Variants in FMO1 observed in about 807,000 individuals in gnomAD.
FMO1 encodes flavin-containing monooxygenase 1.
A neutral mutation model predicts 45.4 loss-of-function variants in FMO1; 36 were observed. The ratio of observed to expected loss-of-function variants is 0.79; its 90% CI spans 0.61 to 1.05. The LOEUF is 1.05. Among genes scored for constraint, FMO1 ranks in the 50% least tolerant of loss-of-function variants. The pLI, the probability that FMO1 is intolerant of heterozygous loss-of-function variation, is 0.00. For synonymous variants in FMO1, 228 were observed against 227.2 expected (o/e 1.00, Z -0.03); for missense variants, 615 against 640.3 (o/e 0.96, Z 0.43).
In FMO1 at chr1:171,280,951, A is replaced by G. The variant is rs781345420; in HGVS notation, c.793A>G (p.Asn265Asp). The change falls in exon 6 of 9, where the codon AAT (asparagine) becomes GAT (aspartate). Residue 265 changes from asparagine to aspartate, a missense_variant. Coordinates refer to ENST00000617670, the MANE Select transcript of FMO1 (RefSeq NM_001282693.2). ...GGAGCGAAAGATAAACAACTGGCTCAATCATGCAAATTACGGCTTAATACC... is the reference window on the plus strand; with the variant it reads ...GGAGCGAAAGATAAACAACTGGCTCGATCATGCAAATTACGGCTTAATACC... The part of the protein sequence containing the change: ...LMERKINNWL[N>D]HANYGLIPED... 4.3e-6 allele frequency: 7 copies of G among 1,613,884 alleles called. No homozygotes were observed. In the East Asian group the frequency reaches 1.6e-4, roughly 36 times the overall value.
chr1:171,263,097 T>C (rs1660443230), intron 2 of FMO1, among the ~76,000 whole-genome samples: 1 of 152,144 alleles, frequency 6.6e-6, no homozygotes, highest in African/African-American at 2.4e-5. Flanking sequence ...AAAATTTTCT[T>C]CCCATTGCCT....
intron 1 of FMO1, among the ~76,000 whole-genome samples, chr1:171,250,965 ATCT>A (rs1310152835): frequency 1.3e-5 from 2 of 152,208 alleles, no homozygotes; most frequent in Admixed American, 1.3e-4. Context: ...ATAGACACAA[ATCT>A]TCTTGGAAGG....
chr1:171,275,723 G>A (rs1454743457), intron 4 of FMO1, among the ~76,000 whole-genome samples: 2 of 151,950 alleles, frequency 1.3e-5, no homozygotes, highest in African/African-American at 2.4e-5. Flanking sequence ...GAATACATAA[G>A]AGCAAAATGG....
chr1:171,265,250 G>A (rs1398436799), intron 2 of FMO1, among the ~76,000 whole-genome samples: 1 of 151,964 alleles, frequency 6.6e-6, no homozygotes, highest in Admixed American at 6.6e-5. Flanking sequence ...AATTAGCCAA[G>A]CGTGGTGGCG....
At chr1:171,255,086 T>A (rs1329280805) in intron 1 of FMO1, among the ~76,000 whole-genome samples, 1 of 152,198 alleles carries the variant, frequency 6.6e-6, no homozygotes, top group Non-Finnish European at 1.5e-5. Context: ...AGAGAATGAA[T>A]CACAGATCTG....
intron 3 of FMO1, 54 bp downstream of exon 3, chr1:171,267,785 C>A: frequency 7.2e-7 from 1 of 1,380,320 alleles, no homozygotes; most frequent in South Asian, 1.3e-5. Flanking sequence ...CCTATTTTCT[C>A]TTATCTCTCC....
At chr1:171,275,279 A>G in intron 3 of FMO1, 67 bp from the exon 4 acceptor site, 2 of 1,232,338 alleles carry the variant, frequency 1.6e-6, no homozygotes, top group African/African-American at 1.5e-5. Flanking sequence ...TATCAATGGT[A>G]CATCAACTGG....
intron 3 of FMO1, 86 bp from the exon 4 acceptor site, chr1:171,275,260 C>T: frequency 1.8e-6 from 2 of 1,087,966 alleles, no homozygotes; most frequent in Non-Finnish European, 2.7e-6. Flanking sequence ...TGTTCTAGAA[C>T]TTTTAAAATA....
intron 7 of FMO1, 21 bp downstream of exon 7, chr1:171,282,354 G>T: frequency 6.5e-7 from 1 of 1,529,536 alleles, no homozygotes; most frequent in Non-Finnish European, 9.0e-7. Flanking sequence ...GAAATAGCAG[G>T]GCATGTGTTT....
chr1:171,273,487 C>G (rs989681386), intron 3 of FMO1, among the ~76,000 whole-genome samples: 2 of 152,062 alleles, frequency 1.3e-5, no homozygotes, highest in Admixed American at 6.6e-5. Flanking sequence ...ATTTCCTTTA[C>G]CACATGCTGC....
chr1:171,272,979 T>C (rs950569396), intron 3 of FMO1, among the ~76,000 whole-genome samples: 2 of 152,130 alleles, frequency 1.3e-5, no homozygotes, highest in Non-Finnish European at 2.9e-5. Context: ...GGTAGAGTAA[T>C]ATGGTTTGTC....
Position 171,275,489 on chromosome 1 carries a change from G to A in FMO1, c.465G>A (p.Leu155=). Residue 155 remains leucine, a synonymous_variant, in exon 4 of 9, where the codon TTG becomes TTA. Transcript: ENST00000617670. The part of the protein sequence containing the change: ...VCTGFLTNPY[L]PLDSFPGINA... ...CTGGCTTTCTTACTAATCCTTATTT[G>A]CCACTGGATTCCTTTCCAGGTACAG... 1 of 1,610,370 alleles carries A rather than the reference G, an allele frequency of 6.2e-7. No individual in the cohort carries two copies. The highest frequency in any genetic ancestry group is 1.7e-5 in the Admixed American group (1 of 59,568).
chr1:171,270,634 T>C lies in FMO1; in HGVS notation c.321+2903T>C, dbSNP rs192742136. On this transcript the variant is annotated intron_variant, in intron 3 of 8. Coordinates refer to ENST00000617670, the MANE Select transcript of FMO1 (RefSeq NM_001282693.2). ...TCCTATAAGCTGCATCAGAGACAGC[T>C]GAAGATGAAAAAACTACCATCCCCA... 311 of 999,216 alleles carry C rather than the reference T, an allele frequency of 3.1e-4. 2 individuals are homozygous for C. In the African/African-American group the frequency reaches 4.9e-3, roughly 16 times the overall value. 61.9% of individuals were successfully genotyped at this position (999,216 alleles called of 1,614,324 possible). A position where few individuals can be genotyped will look rare whatever the true frequency, so the allele number is the denominator to read the frequency against.
intron 1 of FMO1, among the ~76,000 whole-genome samples, chr1:171,254,739 T>C (rs1435822717): frequency 3.3e-5 from 5 of 152,196 alleles, no homozygotes; most frequent in Non-Finnish European, 2.9e-5. Flanking sequence ...TCCCTAACTC[T>C]AGAGCCCACT....
At chr1:171,281,844 C>T (rs1661368915) in intron 6 of FMO1, 134 bp from the exon 7 acceptor site, 1 of 594,342 alleles carries the variant, frequency 1.7e-6, no homozygotes, top group Non-Finnish European at 3.0e-6. Flanking sequence ...ACTGAAGTAA[C>T]ATCTCCCAAG....
intron 3 of FMO1, chr1:171,270,866 T>G (rs1660828189): frequency 1.4e-6 from 1 of 698,520 alleles, no homozygotes; most frequent in South Asian, 1.9e-5. Flanking sequence ...AGACTTACAT[T>G]TCCATTTTTT....
intron 3 of FMO1, chr1:171,271,569 T>C: frequency 5.0e-6 from 4 of 805,620 alleles, no homozygotes; most frequent in Admixed American, 1.7e-5. Context: ...TCTTGGCTTC[T>C]TAGAATCTCC....
intron 2 of FMO1, among the ~76,000 whole-genome samples, chr1:171,266,335 A>G (rs150287749): frequency 6.6e-6 from 1 of 152,336 alleles, no homozygotes; most frequent in Non-Finnish European, 1.5e-5. Flanking sequence ...ATCCTGTAAC[A>G]GACTAGTAAC....
At chr1:171,261,681 C>G (rs1660383707) in intron 2 of FMO1, among the ~76,000 whole-genome samples, 1 of 151,924 alleles carries the variant, frequency 6.6e-6, no homozygotes, top group South Asian at 2.1e-4. Context: ...CCCAGGAGTT[C>G]AAGACCTGCC....
Sources: gnomAD v4.1 joint callset for allele counts (sites outside exome capture counted in the v4.1 genomes callset) on GRCh38, gnomAD v4.1.1 for gene constraint, MANE v1.5 for transcripts, NCBI Gene and HGNC (gene_info 2026-07-23, HGNC 2026-07-21) for gene names.